OTOG: variants seen among roughly 807,000 people sequenced by gnomAD.
The protein encoded by OTOG is otogelin.
In OTOG, 296 loss-of-function variants were observed where a neutral mutation model predicts 313.8. The observed-to-expected ratio is 0.94, with a 90% CI of 0.86 to 1.04. The LOEUF is 1.04. OTOG is among the 50% of genes least tolerant of loss of function. OTOG has a pLI of 0.00. For synonymous variants in OTOG, 1,533 were observed against 1,554.9 expected, an observed-to-expected ratio of 0.99 and a Z score of 0.33; for missense variants, 3,948 against 3,840.1, an observed-to-expected ratio of 1.03 and a Z score of -0.74.
In OTOG at chr11:17,578,308, C is replaced by T. The variant is rs1225072112; in HGVS notation, c.2606-65C>T. ...CTCTCCCTCCATCCTCCAGCTGCTG[C>T]CCCTGTAGCCCAGGAGCCCATACTG... is the stretch of plus-strand genomic sequence containing the variant. On this transcript the variant is annotated intron_variant, in intron 22 of 55. Coordinates refer to ENST00000399397, the MANE Select transcript of OTOG (RefSeq NM_001292063.2). The T allele has an allele frequency of 1.2e-5, 17 of 1,410,380 alleles. No homozygotes were observed. The Admixed American group carries it at 4.9e-4, about 41-fold the overall frequency. 87.4% of individuals were successfully genotyped at this position (1,410,380 alleles called of 1,614,324 possible).
At chr11:17,575,665 G>C (rs1290202640) in intron 20 of OTOG, among the ~76,000 whole-genome samples, 1 of 152,188 alleles carries the variant, frequency 6.6e-6, no homozygotes, top group Non-Finnish European at 1.5e-5. Flanking sequence ...TTGATTGGTG[G>C]TCTTCAAATG....
chr11:17,552,615 T>TGTGTCCC (rs1454853324), intron 4 of OTOG, among the ~76,000 whole-genome samples: 52 of 150,832 alleles, frequency 3.4e-4, no homozygotes, highest in South Asian at 6.3e-4. Context: ...CCACCTGTCC[T>TGTGTCCC]CTCACATCAT....
chr11:17,571,976 A>G, intron 17 of OTOG, 104 bp from the exon 18 acceptor site: 5 of 1,426,632 alleles, frequency 3.5e-6, no homozygotes, highest in South Asian at 1.4e-5. Flanking sequence ...GATTATGACT[A>G]TGTGTGTGTA....
chr11:17,557,228 T>C lies in OTOG; in HGVS notation c.770T>C (p.Val257Ala), dbSNP rs780661160. ...CTGGCCTGGGATGGTGCCTCGGCTG[T>C]CTACATCAAGATGAGTCCAGAGCTT... ...FTLAWDGASA[V>A]YIKMSPELLG... is the part of the protein sequence containing the mutation. Residue 257 changes from valine (V) to alanine (A), a missense_variant, in exon 8 of 56, where the codon GTC (valine) becomes GCC (alanine). By Grantham distance (64) the Val-to-Ala change is moderately conservative. Transcript: ENST00000399397. 3.9e-6 allele frequency: 6 copies of C among 1,550,634 alleles called. No homozygotes were observed. In the South Asian group the frequency reaches 5.9e-5, roughly 15 times the overall value.
In OTOG at chr11:17,638,538, A is replaced by G; in HGVS notation, c.7883A>G (p.Tyr2628Cys). The change falls in exon 48 of 56, where the codon TAC becomes TGC. Residue 2628 changes from tyrosine to cysteine, a missense_variant. Tyr to Cys is a radical substitution (Grantham distance 194). Coordinates refer to ENST00000399397, the MANE Select transcript of OTOG (RefSeq NM_001292063.2). ...EVWSPDRCCP[Y>C]KSCECDCDTI... ...TGGAGCCCCGACCGCTGCTGCCCCT[A>G]CAAATCCTGTGGTGAGTCCGTGGTC... 1 of 1,550,348 alleles carries G rather than the reference A, an allele frequency of 6.5e-7. No homozygotes were observed. The highest frequency in any genetic ancestry group is 8.7e-7 in the Non-Finnish European group (1 of 1,146,894).
chr11:17,579,694 C>T (rs543768754), intron 23 of OTOG, among the ~76,000 whole-genome samples: 10 of 152,282 alleles, frequency 6.6e-5, no homozygotes, highest in African/African-American at 9.6e-5. Flanking sequence ...CACTGAAGGC[C>T]GCTTGTGACA....
chr11:17,574,633 CA>C, intron 19 of OTOG, 86 bp from the exon 20 acceptor site: 1 of 1,304,880 alleles, frequency 7.7e-7, no homozygotes, highest in Non-Finnish European at 1.0e-6. Flanking sequence ...TCTGGATCTC[CA>C]TTCTCCTCAT....
chr11:17,632,202 G>T lies in OTOG; in HGVS notation c.7048G>T (p.Glu2350Ter), dbSNP rs375080152. Residue 2350 changes from glutamate (E) to a stop codon, truncating the protein, a stop_gained, in exon 42 of 56, where the codon GAG (glutamate) becomes TAG (stop). Transcript: ENST00000399397. LOFTEE classifies it high-confidence loss of function. ...AMCHKFHVCI[E>*]WRRSDYCPFL... The stretch of plus-strand genomic sequence containing the variant: ...GTGCCACAAATTTCATGTGTGCATC[G>T]AGTGGCGGCGCTCTGACTACTGCCG... 2 of 1,550,786 alleles carry T rather than the reference G, an allele frequency of 1.3e-6. No homozygotes were observed. Among genetic ancestry groups the T allele is most frequent in the East Asian group, 4.9e-5 (2 of 40,934 alleles).
intron 32 of OTOG, among the ~76,000 whole-genome samples, chr11:17,605,357 G>T (rs1422327401): frequency 6.6e-6 from 1 of 152,190 alleles, no homozygotes; most frequent in East Asian, 1.9e-4. Context: ...GGTTGCCAAT[G>T]CTGGCCCTGT....
At chr11:17,609,323 G>T in intron 35 of OTOG, 114 bp downstream of exon 35, 2 of 967,850 alleles carry the variant, frequency 2.1e-6, no homozygotes, top group South Asian at 1.6e-5. Context: ...ATCAGCACAG[G>T]GACCTTTGGA....
intron 52 of OTOG, 21 bp downstream of exon 52, chr11:17,641,972 C>G: frequency 6.5e-7 from 1 of 1,546,838 alleles, no homozygotes; most frequent in East Asian, 2.4e-5. Context: ...CCCTCGCTGC[C>G]CACTTAGGAG....
chr11:17,599,132 T>C (rs1027564326), intron 30 of OTOG, among the ~76,000 whole-genome samples: 1 of 152,182 alleles, frequency 6.6e-6, no homozygotes, highest in Admixed American at 6.5e-5. Flanking sequence ...GGATGACCAC[T>C]AGAGGGCAAG....
rs1292972100 is a variant in OTOG at position 17,643,484 on chromosome 11, C to A, written c.8439C>A (p.Ser2813=). ...CAKVGGSVVP[S]LEGCCRTCKE... is the part of the protein sequence containing the mutation. ...AGGTTGGGGGTTCCGTGGTACCTTC[C>A]TTGGAAGGATGCTGCAGGACCTGTG... Residue 2813 remains serine (S), a synonymous_variant, in exon 54 of 56, where the codon TCC becomes TCA. Coordinates refer to ENST00000399397, the MANE Select transcript of OTOG (RefSeq NM_001292063.2). The A allele has an allele frequency of 1.4e-6, 2 of 1,456,440 alleles. No individual in the cohort carries two copies. The highest frequency in any genetic ancestry group is 1.8e-6 in the Non-Finnish European group (2 of 1,097,660). The allele number at this position is 1,456,440 out of a possible 1,614,324, so 90.2% of individuals were successfully genotyped here.
At chr11:17,577,291 G>C (rs1852551527) in intron 22 of OTOG, among the ~76,000 whole-genome samples, 2 of 152,212 alleles carry the variant, frequency 1.3e-5, no homozygotes, top group African/African-American at 4.8e-5. Context: ...ACAATGCTAG[G>C]TGTGGGGTCA....
chr11:17,640,665 G>T, intron 49 of OTOG, 80 bp from the exon 50 acceptor site: 1 of 1,427,994 alleles, frequency 7.0e-7, no homozygotes, highest in Non-Finnish European at 9.5e-7. Context: ...CTGACGTAGA[G>T]AGGGGCCCAG....
intron 17 of OTOG, among the ~76,000 whole-genome samples, chr11:17,571,343 C>T (rs183844792): frequency 2.2e-4 from 33 of 152,286 alleles, no homozygotes; most frequent in South Asian, 8.3e-4. Context: ...TATGAGTGTA[C>T]TCATTGCCCC....
chr11:17,553,438 G>T lies in OTOG; in HGVS notation c.459G>T (p.Gly153=), dbSNP rs1554967816. The T allele has an allele frequency of 6.1e-6, 9 of 1,474,844 alleles. No individual in the cohort carries two copies. Among genetic ancestry groups the T allele is most frequent in the Non-Finnish European group, 8.1e-6 (9 of 1,111,056 alleles). The allele number at this position is 1,474,844 out of a possible 1,614,324, so 91.4% of individuals were successfully genotyped here. ...WGQHHVETFD[G]LYYYLSGKGS... is the part of the protein sequence containing the mutation. Reference sequence around the variant, plus strand: ...AGCACCACGTGGAGACATTTGATGGGCTCTACTACTACCTCTCCGGAAAGG... The same window carrying T: ...AGCACCACGTGGAGACATTTGATGGTCTCTACTACTACCTCTCCGGAAAGG... Residue 153 remains glycine (G), a synonymous_variant, in exon 6 of 56, where the codon GGG becomes GGT. Coordinates refer to ENST00000399397, the MANE Select transcript of OTOG (RefSeq NM_001292063.2).
chr11:17,645,954 G>A lies in OTOG; in HGVS notation c.*10G>A, dbSNP rs1384042316. ...CTGCCAGTGGTCCTGAGGCCTGGGG[G>A]CCCGGGCTAGCTGGACCACCTCTGC... On this transcript the variant is annotated 3_prime_UTR_variant, in exon 56 of 56. Transcript: ENST00000399397. 2.8e-5 allele frequency: 44 copies of A among 1,547,116 alleles called. No homozygotes were observed. Among genetic ancestry groups the A allele is most frequent in the Non-Finnish European group, 3.7e-5 (42 of 1,146,818 alleles).
chr11:17,551,203 C>T (rs915031783), intron 3 of OTOG, among the ~76,000 whole-genome samples: 1 of 152,166 alleles, frequency 6.6e-6, no homozygotes, highest in African/African-American at 2.4e-5. Context: ...GGAGGAGGAG[C>T]CAACTGTGCC....
Sources: gnomAD v4.1 joint callset for allele counts (sites outside exome capture counted in the v4.1 genomes callset) on GRCh38, gnomAD v4.1.1 for gene constraint, MANE v1.5 for transcripts, NCBI Gene and HGNC (gene_info 2026-07-23, HGNC 2026-07-21) for gene names.